The following RNF141 variants were observed in gnomAD, a reference collection of about 807,000 sequenced individuals.
The protein encoded by RNF141 is C3HC4-like zinc finger protein.
A neutral mutation model predicts 27.4 loss-of-function variants in RNF141; 18 were observed. That is an observed-to-expected ratio of 0.66 (90% CI 0.45 to 0.97). The LOEUF is 0.97. Ranked by LOEUF, RNF141 falls within the 50% of genes least tolerant of loss-of-function variation. The pLI is 0.00. For missense variants in RNF141, 230 were observed against 279.4 expected, an observed-to-expected ratio of 0.82 and a Z score of 1.26; for synonymous variants, 97 against 96.6, an observed-to-expected ratio of 1.00 and a Z score of -0.02.
intron 3 of RNF141, among the ~76,000 whole-genome samples, chr11:10,526,904 G>A (rs1019099032): frequency 2.6e-5 from 4 of 152,114 alleles, no homozygotes; most frequent in African/African-American, 9.7e-5. Flanking sequence ...AATATACAAG[G>A]TTCTTTGTAC....
chr11:10,520,856 T>C (rs1205204476), intron 4 of RNF141, among the ~76,000 whole-genome samples: 1 of 152,196 alleles, frequency 6.6e-6, no homozygotes, highest in Non-Finnish European at 1.5e-5. Context: ...ACATATGCAG[T>C]CTGTGATTAA....
intron 2 of RNF141, 80 bp downstream of exon 2, chr11:10,533,936 G>A: frequency 7.6e-7 from 1 of 1,309,522 alleles, no homozygotes; most frequent in South Asian, 1.4e-5. Context: ...AACACCTCTG[G>A]TTATATCTTA....
intron 1 of RNF141, among the ~76,000 whole-genome samples, chr11:10,538,269 G>A (rs1296364114): frequency 1.3e-5 from 2 of 152,214 alleles, no homozygotes; most frequent in Non-Finnish European, 2.9e-5. Flanking sequence ...GACTACCTGA[G>A]AGAGCCTGCA....
intron 2 of RNF141, among the ~76,000 whole-genome samples, chr11:10,532,537 A>ACCC (rs202174143): frequency 1.1e-5 from 1 of 95,076 alleles, no homozygotes; most frequent in South Asian, 3.3e-4. Context: ...ACACACACAC[A>ACCC]CCCCACAACT....
At position 10,534,042 on chromosome 11, in the gene RNF141, A is replaced by G. The variant is rs1065052; in HGVS notation, c.117T>C (p.Leu39=). The G allele has an allele frequency of 0.4, 644,476 of 1,612,438 alleles. 135,760 individuals are homozygous for G. The highest frequency in any genetic ancestry group is 0.63 in the East Asian group (28,316 of 44,812). The change falls in exon 2 of 6, where the codon CTT becomes CTC. Residue 39 remains leucine, a synonymous_variant. Coordinates refer to ENST00000265981, the MANE Select transcript of RNF141 (RefSeq NM_016422.4). ...CATCATTAAGCTCAGCTACTCTCCCAAGAAATTCTTCATAAGTTAAGGAGC... is the reference window on the plus strand; with the variant it reads ...CATCATTAAGCTCAGCTACTCTCCCGAGAAATTCTTCATAAGTTAAGGAGC... The part of the protein sequence containing the change: ...ESGSLTYEEF[L]GRVAELNDVT...
intron 5 of RNF141, chr11:10,517,107 A>G (rs1011467602): frequency 6.6e-6 from 1 of 152,208 alleles, no homozygotes; most frequent in Non-Finnish European, 1.5e-5. Flanking sequence ...GATAAAATGG[A>G]AAGTTATTAT....
At chr11:10,533,383 T>C (rs1369268884) in intron 2 of RNF141, among the ~76,000 whole-genome samples, 1 of 152,114 alleles carries the variant, frequency 6.6e-6, no homozygotes, top group Non-Finnish European at 1.5e-5. Context: ...GAAATTTATA[T>C]TTCATTTTAG....
intron 3 of RNF141, 98 bp downstream of exon 3, chr11:10,530,545 T>C: frequency 1.8e-6 from 1 of 566,524 alleles, no homozygotes; most frequent in Non-Finnish European, 3.0e-6. Flanking sequence ...CACCGAGTTA[T>C]TAAAATGTAT....
chr11:10,512,847 G>A lies in RNF141; in HGVS notation c.*2069C>T, dbSNP rs1269431326. On this transcript the variant is annotated 3_prime_UTR_variant, in exon 6 of 6. Coordinates refer to ENST00000265981, the MANE Select transcript of RNF141 (RefSeq NM_016422.4). ...TGCTGGATATCACCAATGCATTAAT[G>A]TTTTTATTCATTGACTTAATCACAT... The A allele has an allele frequency of 2.0e-5, 3 of 152,026 alleles. No homozygotes were observed. The East Asian group carries it at 5.8e-4, about 29-fold the overall frequency. 9.4% of individuals were successfully genotyped at this position (152,026 alleles called of 1,614,324 possible).
chr11:10,523,488 G>T (rs1389287755), intron 4 of RNF141, among the ~76,000 whole-genome samples: 2 of 152,192 alleles, frequency 1.3e-5, no homozygotes, highest in African/African-American at 2.4e-5. Flanking sequence ...TACCCTGTAA[G>T]TAATCAATAA....
intron 3 of RNF141, among the ~76,000 whole-genome samples, chr11:10,530,061 A>G (rs973363017): frequency 6.6e-6 from 1 of 152,174 alleles, no homozygotes; most frequent in Admixed American, 6.5e-5. Context: ...GGGTGGGGAT[A>G]GGAGGTGGCC....
chr11:10,540,251 A>G (rs1850083721), intron 1 of RNF141, among the ~76,000 whole-genome samples: 1 of 152,176 alleles, frequency 6.6e-6, no homozygotes, highest in Non-Finnish European at 1.5e-5. Context: ...ATTATAAACA[A>G]TTGAAAGTGT....
chr11:10,518,946 C>T (rs562561339), intron 5 of RNF141, 88 bp downstream of exon 5: 2 of 868,216 alleles, frequency 2.3e-6, no homozygotes, highest in South Asian at 3.0e-5. Flanking sequence ...TCATACTTAA[C>T]TACAGTATTT....
intron 4 of RNF141, among the ~76,000 whole-genome samples, chr11:10,522,983 AT>A (rs1849901935): frequency 6.6e-6 from 1 of 152,202 alleles, no homozygotes; most frequent in African/African-American, 2.4e-5. Context: ...CTCAAGAAAG[AT>A]TTTGGCTACT....
intron 4 of RNF141, among the ~76,000 whole-genome samples, chr11:10,524,865 C>CT (rs1435764196): frequency 6.6e-6 from 1 of 152,130 alleles, no homozygotes. Flanking sequence ...CCCTAAAAAG[C>CT]TTTGACTGTC....
chr11:10,529,068 G>A (rs1161710214), intron 3 of RNF141, among the ~76,000 whole-genome samples: 1 of 152,168 alleles, frequency 6.6e-6, no homozygotes, highest in Non-Finnish European at 1.5e-5. Flanking sequence ...GAAACTACTG[G>A]CTGATTATCC....
rs978015207 is a variant in RNF141, at chr11:10,511,833, C to A, written c.*3083G>T. Reference sequence around the variant, plus strand: ...AAAACAGCACACAAACATCACAAGCCCCCAGCGCACAATATAAAATAGTTC... The same window carrying A: ...AAAACAGCACACAAACATCACAAGCACCCAGCGCACAATATAAAATAGTTC... On this transcript the variant is annotated 3_prime_UTR_variant, in exon 6 of 6. Transcript: ENST00000265981. 1 of 152,428 alleles carries A rather than the reference C, an allele frequency of 6.6e-6. No homozygotes were observed. The highest frequency in any genetic ancestry group is 2.4e-5 in the African/African-American group (1 of 41,366). 9.4% of individuals were successfully genotyped at this position (152,428 alleles called of 1,614,324 possible).
chr11:10,519,177 C>T, intron 4 of RNF141, 36 bp from the exon 5 acceptor site: 1 of 1,554,278 alleles, frequency 6.4e-7, no homozygotes. Context: ...CAATTATATT[C>T]TCTGTCATTA....
chr11:10,523,172 G>C (rs902845784), intron 4 of RNF141, among the ~76,000 whole-genome samples: 9 of 152,194 alleles, frequency 5.9e-5, no homozygotes, highest in African/African-American at 2.2e-4. Context: ...GTTATCTGAG[G>C]ATCAGCAGCA....
Sources: allele counts gnomAD v4.1 joint callset (sites outside exome capture counted in the v4.1 genomes callset), GRCh38; gene constraint gnomAD v4.1.1; transcripts MANE v1.5; gene names NCBI Gene and HGNC (gene_info 2026-07-23, HGNC 2026-07-21).